Variants in ADARB2 observed in about 807,000 individuals in gnomAD.
ADARB2 encodes the protein inactive double-stranded RNA-specific editase B2.
ADARB2 carries 25 observed loss-of-function variants against 62.2 expected under a neutral mutation model. The ratio of observed to expected loss-of-function variants is 0.40; its 90% CI spans 0.29 to 0.56. The LOEUF (loss-of-function observed/expected upper bound fraction) is 0.56. Among genes scored for constraint, ADARB2 ranks in the 20% least tolerant of loss-of-function variants. The pLI, the probability that ADARB2 is intolerant of heterozygous loss-of-function variation, is 0.43. For synonymous variants in ADARB2, 572 were observed against 500.8 expected, an observed-to-expected ratio of 1.14 and a Z score of -1.90; for missense variants, 1,071 against 1,077.4, an observed-to-expected ratio of 0.99 and a Z score of 0.08.
intron 3 of ADARB2, among the ~76,000 whole-genome samples, chr10:1,278,293 T>G (rs1039837191): frequency 6.7e-6 from 1 of 149,630 alleles, no homozygotes; most frequent in African/African-American, 2.5e-5. Flanking sequence ...TTTTTTCTTT[T>G]TTTTTTTTTA....
chr10:1,262,882 A>G (rs1401232526), intron 4 of ADARB2, among the ~76,000 whole-genome samples: 2 of 152,192 alleles, frequency 1.3e-5, no homozygotes, highest in African/African-American at 2.4e-5. Flanking sequence ...GAACCAAGCC[A>G]TATGTCCAAC....
rs538595761 is a variant in ADARB2, at chr10:1,567,687, G to A, written c.100+169364C>T. On this transcript the variant is annotated intron_variant, in intron 1 of 9. Coordinates refer to ENST00000381312, the MANE Select transcript of ADARB2 (RefSeq NM_018702.4). ...CTACCAGGGCACTGCTGACTTCGAGGCTGCTGATGCTCGATGTCTTGGAGG... is the reference window on the plus strand; with the variant it reads ...CTACCAGGGCACTGCTGACTTCGAGACTGCTGATGCTCGATGTCTTGGAGG... Among the ~76,000 whole-genome samples the A allele has an allele frequency of 9.2e-5, 14 of 152,322 alleles. No homozygotes were observed. The East Asian group carries it at 2.3e-3, about 25-fold the overall frequency.
intron 6 of ADARB2, among the ~76,000 whole-genome samples, chr10:1,226,718 A>C (rs1474306015): frequency 6.6e-6 from 1 of 152,214 alleles, no homozygotes; most frequent in Non-Finnish European, 1.5e-5. Context: ...GTGGCTGTAG[A>C]ACAGCAGATA....
At chr10:1,327,431 T>TGCCCAGCGCCTCCCCACG (rs1564258359) in intron 3 of ADARB2, among the ~76,000 whole-genome samples, 2 of 43,674 alleles carry the variant, frequency 4.6e-5, no homozygotes, top group African/African-American at 3.2e-4. Context: ...GCCTCCCCAC[T>TGCCCAGCGCCTCCCCACG]GCCCAGCGCC....
intron 2 of ADARB2, among the ~76,000 whole-genome samples, chr10:1,369,301 T>C (rs1006221013): frequency 6.6e-6 from 1 of 152,156 alleles, no homozygotes; most frequent in Admixed American, 6.5e-5. Context: ...GATGGAAAGC[T>C]ATTGTTGACG....
At chr10:1,570,466 G>A (rs1004071563) in intron 1 of ADARB2, among the ~76,000 whole-genome samples, 3 of 152,158 alleles carry the variant, frequency 2.0e-5, no homozygotes, top group African/African-American at 4.8e-5. Context: ...CATGCTCACC[G>A]CACGGCAGGA....
intron 3 of ADARB2, among the ~76,000 whole-genome samples, chr10:1,317,392 T>C (rs537708213): frequency 6.6e-6 from 1 of 152,236 alleles, no homozygotes; most frequent in Non-Finnish European, 1.5e-5. Flanking sequence ...CTGACAGGCA[T>C]AGTCGATTGT....
rs368164059 is a variant in ADARB2 at position 1,503,285 on chromosome 10, C to G, written c.101-124125G>C. 6.3e-4 allele frequency among the ~76,000 whole-genome samples: 96 copies of G among 151,970 alleles called. 1 individual carries two copies. In the South Asian group the frequency reaches 0.017, roughly 27 times the overall value. On this transcript the variant is annotated intron_variant, in intron 1 of 9. Coordinates refer to ENST00000381312, the MANE Select transcript of ADARB2 (RefSeq NM_018702.4). ...CATTTCAACGTCTGCCTCCCAGGCT[C>G]AAGCAATCCTCCTGGCTCAGCTTCC...
chr10:1,375,234 G>A (rs543574839), intron 2 of ADARB2, among the ~76,000 whole-genome samples: 42 of 152,338 alleles, frequency 2.8e-4, no homozygotes, highest in African/African-American at 4.6e-4. Context: ...ACCTCTGGGC[G>A]GTGGTCAGCA....
At chr10:1,350,521 C>T (rs1256134472) in intron 3 of ADARB2, among the ~76,000 whole-genome samples, 1 of 152,194 alleles carries the variant, frequency 6.6e-6, no homozygotes, top group African/African-American at 2.4e-5. Context: ...TAGCTCTCCC[C>T]CACCTGCCCA....
chr10:1,344,889 T>TCTGG (rs1281597615), intron 3 of ADARB2, among the ~76,000 whole-genome samples: 1 of 152,196 alleles, frequency 6.6e-6, no homozygotes, highest in Non-Finnish European at 1.5e-5. Flanking sequence ...GCCCGCTGTT[T>TCTGG]CTCCATGTGG....
At chr10:1,580,300 GTCCT>G (rs1437605519) in intron 1 of ADARB2, among the ~76,000 whole-genome samples, 2 of 152,032 alleles carry the variant, frequency 1.3e-5, no homozygotes, top group African/African-American at 4.8e-5. Context: ...GTGTGTATTG[GTCCT>G]TCTTTGTGTT....
intron 1 of ADARB2, among the ~76,000 whole-genome samples, chr10:1,659,598 T>G (rs1429995468): frequency 1.3e-5 from 2 of 152,218 alleles, no homozygotes; most frequent in Non-Finnish European, 2.9e-5. Flanking sequence ...ATACAACGCC[T>G]TTGTCTCTAA....
intron 1 of ADARB2, among the ~76,000 whole-genome samples, chr10:1,619,289 T>TAAAAAAAAAAA (rs59098282): frequency 1.1e-4 from 13 of 115,724 alleles, no homozygotes; most frequent in Non-Finnish European, 1.9e-4. Flanking sequence ...ACATTGAAAG[T>TAAAAAAAAAAA]AAAAAAAAAA....
chr10:1,698,215 T>C (rs547510289), intron 1 of ADARB2, among the ~76,000 whole-genome samples: 1 of 152,322 alleles, frequency 6.6e-6, no homozygotes, highest in African/African-American at 2.4e-5. Context: ...GGTGTTGCTT[T>C]TTCTCTTTCT....
chr10:1,321,014 A>G (rs1321336443), intron 3 of ADARB2, among the ~76,000 whole-genome samples: 1 of 152,242 alleles, frequency 6.6e-6, no homozygotes, highest in African/African-American at 2.4e-5. Context: ...TTCTGATGAC[A>G]TTAGAATGTA....
chr10:1,270,895 G>T, intron 4 of ADARB2, 60 bp downstream of exon 4: 1 of 1,458,008 alleles, frequency 6.9e-7, no homozygotes, highest in Non-Finnish European at 9.5e-7. Flanking sequence ...AGATCAGGTA[G>T]ATGCTAATGC....
intron 1 of ADARB2, among the ~76,000 whole-genome samples, chr10:1,401,328 G>A (rs1038846254): frequency 2.6e-5 from 4 of 152,214 alleles, no homozygotes; most frequent in African/African-American, 9.6e-5. Flanking sequence ...AGCCCTGCGG[G>A]GACCAGGGTT....
chr10:1,652,219 A>C (rs1427825424), intron 1 of ADARB2, among the ~76,000 whole-genome samples: 1 of 152,226 alleles, frequency 6.6e-6, no homozygotes, highest in Non-Finnish European at 1.5e-5. Flanking sequence ...AGCCCTGGCC[A>C]GTGACAGCTC....
Sources: allele counts gnomAD v4.1 joint callset (sites outside exome capture counted in the v4.1 genomes callset), GRCh38; gene constraint gnomAD v4.1.1; transcripts MANE v1.5; gene names NCBI Gene and HGNC (gene_info 2026-07-23, HGNC 2026-07-21).